Variants in NCOA5 observed in about 807,000 individuals in gnomAD.
The protein encoded by NCOA5 is NCoA-5.
In NCOA5, 12 loss-of-function variants were observed where a neutral mutation model predicts 59.0. The ratio of observed to expected loss-of-function variants is 0.20; its 90% CI spans 0.13 to 0.33. The LOEUF (loss-of-function observed/expected upper bound fraction) is 0.33, where lower values mean the gene tolerates loss of function less well. NCOA5 is among the 10% of genes least tolerant of loss of function. The probability of loss-of-function intolerance (pLI) is 1.00; values close to 1 mark genes in which losing one functional copy is unlikely to be tolerated. For missense variants in NCOA5, 655 were observed against 766.6 expected (o/e 0.85, Z 1.72); for synonymous variants, 270 against 275.5 (o/e 0.98, Z 0.20).
intron 2 of NCOA5, among the ~76,000 whole-genome samples, chr20:46,077,268 C>T (rs1344270539): frequency 6.6e-6 from 1 of 151,966 alleles, no homozygotes; most frequent in Non-Finnish European, 1.5e-5. Context: ...TGTGCGGGGA[C>T]TATTATTTAA....
In NCOA5 at chr20:46,062,413, C is replaced by A; in HGVS notation, c.1627G>T (p.Ala543Ser). ...INFDNPSVQK[A>S]LDTLIQSGPA... is the part of the protein sequence containing the mutation. ...CCACTCTGGATCAGGGTATCCAGAG[C>A]CTTCTGTACACTTGGATTGTCAAAG... Residue 543 changes from alanine to serine, a missense_variant, in exon 8 of 8, where the codon GCT becomes TCT. Ala to Ser is a moderately conservative substitution (Grantham distance 99). This residue lies in a region of NCOA5 where 325 missense variants were observed against 353.2 expected (regional missense o/e 0.92). Coordinates refer to ENST00000290231, the MANE Select transcript of NCOA5 (RefSeq NM_020967.3). 1 of 1,614,132 alleles carries A rather than the reference C, an allele frequency of 6.2e-7. No homozygotes were observed. Among genetic ancestry groups the A allele is most frequent in the Non-Finnish European group, 8.5e-7 (1 of 1,180,032 alleles).
chr20:46,061,479 G>A lies in NCOA5; in HGVS notation c.*821C>T. On this transcript the variant is annotated 3_prime_UTR_variant, in exon 8 of 8. Coordinates refer to ENST00000290231, the MANE Select transcript of NCOA5 (RefSeq NM_020967.3). ...CAAAAGCCCAAAACAAATCACTGAA[G>A]AAACGGGTGTTCACGGCCAGAGTCT... is the stretch of plus-strand genomic sequence containing the variant. 6.6e-6 allele frequency: 1 copy of A among 152,556 alleles called. No homozygotes were observed. The highest frequency in any genetic ancestry group is 6.5e-5 in the Admixed American group (1 of 15,282). 9.5% of individuals were successfully genotyped at this position (152,556 alleles called of 1,614,324 possible). A position where few individuals can be genotyped will look rare whatever the true frequency, so the allele number is the denominator to read the frequency against.
At chr20:46,072,399 A>G (rs1218239871) in intron 2 of NCOA5, among the ~76,000 whole-genome samples, 1 of 152,124 alleles carries the variant, frequency 6.6e-6, no homozygotes, top group African/African-American at 2.4e-5. Context: ...CACAGGTGGG[A>G]TCACGGAACA....
At chr20:46,073,348 A>G (rs1054162875) in intron 2 of NCOA5, among the ~76,000 whole-genome samples, 2 of 152,222 alleles carry the variant, frequency 1.3e-5, no homozygotes, top group African/African-American at 4.8e-5. Context: ...GACTTGTGAG[A>G]GCAAACATAT....
At chr20:46,064,455 T>G (rs183477022) in intron 6 of NCOA5, among the ~76,000 whole-genome samples, 1 of 152,348 alleles carries the variant, frequency 6.6e-6, no homozygotes, top group African/African-American at 2.4e-5. Flanking sequence ...CTTCGAGAAC[T>G]GGGCCTGGGC....
chr20:46,075,828 T>C (rs752187082), intron 2 of NCOA5, among the ~76,000 whole-genome samples: 6 of 152,228 alleles, frequency 3.9e-5, no homozygotes, highest in Non-Finnish European at 8.8e-5. Context: ...AGGAGTTCAA[T>C]GAAGTGGCCC....
At chr20:46,068,726 G>A in intron 3 of NCOA5, 88 bp from the exon 4 acceptor site, 1 of 1,337,688 alleles carries the variant, frequency 7.5e-7, no homozygotes, top group African/African-American at 1.5e-5. Context: ...TTAGACAAAT[G>A]AGGTTTATAT....
chr20:46,079,584 A>C, intron 1 of NCOA5, 131 bp from the exon 2 acceptor site: 1 of 732,956 alleles, frequency 1.4e-6, no homozygotes, highest in South Asian at 1.7e-5. Context: ...GCCATTCAGC[A>C]GAGACACACT....
chr20:46,064,255 T>C (rs1411962712), intron 6 of NCOA5, among the ~76,000 whole-genome samples: 2 of 152,232 alleles, frequency 1.3e-5, no homozygotes, highest in East Asian at 3.8e-4. Context: ...GGACTATTCC[T>C]CAGACAAATG....
chr20:46,070,470 T>C lies in NCOA5; in HGVS notation c.105A>G (p.Pro35=). The C allele has an allele frequency of 6.2e-7, 1 of 1,614,120 alleles. No homozygotes were observed. The highest frequency in any genetic ancestry group is 8.5e-7 in the Non-Finnish European group (1 of 1,180,018). The change falls in exon 3 of 8, where the codon CCA becomes CCG. Residue 35 remains proline (P), a synonymous_variant. Transcript: ENST00000290231. ...RRDRSPIRGS[P]RREPRDGRNG... is the part of the protein sequence containing the mutation. ...TTCTGCCATCCCTGGGCTCTCTCCT[T>C]GGACTTCCTCGAATTGGGGATCGAT... is the stretch of plus-strand genomic sequence containing the variant.
In NCOA5 at chr20:46,063,695, G is replaced by T. The variant is rs377765279; in HGVS notation, c.830-15C>A. The T allele has an allele frequency of 2.5e-6, 4 of 1,606,220 alleles. No individual in the cohort carries two copies. The highest frequency in any genetic ancestry group is 3.4e-6 in the Non-Finnish European group (4 of 1,175,312). The stretch of plus-strand genomic sequence containing the variant: ...GTTGCGATGCTCTGTAGGAGGAAAT[G>T]ACATGAGTTATTTTCTTCCATGACA... On this transcript the variant is annotated splice_polypyrimidine_tract_variant and intron_variant, in intron 6 of 7. Coordinates refer to ENST00000290231, the MANE Select transcript of NCOA5 (RefSeq NM_020967.3).
chr20:46,073,200 G>A (rs183277951), intron 2 of NCOA5, among the ~76,000 whole-genome samples: 1 of 152,142 alleles, frequency 6.6e-6, no homozygotes, highest in East Asian at 1.9e-4. Context: ...GGTTACACAC[G>A]TTAGGTATTC....
intron 1 of NCOA5, 94 bp downstream of exon 1, chr20:46,089,723 C>T (rs906404097): frequency 2.6e-5 from 4 of 152,088 alleles, no homozygotes; most frequent in African/African-American, 9.7e-5. Context: ...AGTGGGCCTT[C>T]CCGCCTCAGC....
At position 46,068,569 on chromosome 20, in the gene NCOA5, A is replaced by G; in HGVS notation, c.435T>C (p.Phe145=). 6.2e-7 allele frequency: 1 copy of G among 1,613,816 alleles called. No homozygotes were observed. ...DYCRRKDDSY[F]DRYRDSFDGR... ...CATCAAAGCTATCTCTGTAACGGTCAAAATAAGAGTCATCCTTTCTCCTGC... is the reference window on the plus strand; with the variant it reads ...CATCAAAGCTATCTCTGTAACGGTCGAAATAAGAGTCATCCTTTCTCCTGC... The change falls in exon 4 of 8, where the codon TTT becomes TTC. Residue 145 remains phenylalanine, a synonymous_variant. Transcript: ENST00000290231.
chr20:46,083,381 T>C (rs2085012770), intron 1 of NCOA5, among the ~76,000 whole-genome samples: 2 of 152,220 alleles, frequency 1.3e-5, no homozygotes, highest in South Asian at 4.1e-4. Context: ...CGCTTTTTGC[T>C]CCTTGTCTCT....
chr20:46,086,700 TG>T (rs2085048930), intron 1 of NCOA5, among the ~76,000 whole-genome samples: 1 of 152,228 alleles, frequency 6.6e-6, no homozygotes, highest in Non-Finnish European at 1.5e-5. Flanking sequence ...AAGCTGATAT[TG>T]AGCTTTAAAA....
At chr20:46,088,084 T>A (rs556645221) in intron 1 of NCOA5, among the ~76,000 whole-genome samples, 1 of 152,274 alleles carries the variant, frequency 6.6e-6, no homozygotes, top group East Asian at 1.9e-4. Flanking sequence ...CTGTCAATGA[T>A]TTAAATTAAA....
At chr20:46,080,807 A>G (rs1015416390) in intron 1 of NCOA5, among the ~76,000 whole-genome samples, 5 of 151,880 alleles carry the variant, frequency 3.3e-5, no homozygotes, top group Non-Finnish European at 7.4e-5. Flanking sequence ...CTTCTATTTT[A>G]AAAAAAACCT....
At chr20:46,080,158 C>T (rs1159537830) in intron 1 of NCOA5, among the ~76,000 whole-genome samples, 3 of 151,882 alleles carry the variant, frequency 2.0e-5, no homozygotes, top group Non-Finnish European at 4.4e-5. Context: ...AGAAGGCTGG[C>T]GTATAGAACT....
Sources: gnomAD v4.1 joint callset for allele counts (sites outside exome capture counted in the v4.1 genomes callset) on GRCh38, gnomAD v4.1.1 for gene constraint, gnomAD v4.1.1 regional missense constraint, MANE v1.5 for transcripts, NCBI Gene and HGNC (gene_info 2026-07-23, HGNC 2026-07-21) for gene names.